CPNE8: variants seen among roughly 807,000 people sequenced by gnomAD.
CPNE8 encodes copine 8.
In CPNE8, 45 loss-of-function variants were observed where a neutral mutation model predicts 81.5. That is an observed-to-expected ratio of 0.55 (90% CI 0.44 to 0.71). The LOEUF (loss-of-function observed/expected upper bound fraction) is 0.71, where lower values mean the gene tolerates loss of function less well. Ranked by LOEUF, CPNE8 falls within the 30% of genes least tolerant of loss-of-function variation. The probability of loss-of-function intolerance (pLI) is 0.00; values close to 1 mark genes in which losing one functional copy is unlikely to be tolerated. For missense variants in CPNE8, 594 were observed against 672.1 expected, an observed-to-expected ratio of 0.88 and a Z score of 1.28; for synonymous variants, 252 against 226.3, an observed-to-expected ratio of 1.11 and a Z score of -1.02.
At chr12:38,694,623 C>T (rs1939753725) in intron 14 of CPNE8, among the ~76,000 whole-genome samples, 1 of 152,178 alleles carries the variant, frequency 6.6e-6, no homozygotes, top group African/African-American at 2.4e-5. Context: ...GGATGTTGCA[C>T]TTGAATAGTG....
intron 6 of CPNE8, among the ~76,000 whole-genome samples, chr12:38,784,734 C>T (rs1480226273): frequency 1.3e-5 from 2 of 151,630 alleles, no homozygotes; most frequent in South Asian, 4.2e-4. Flanking sequence ...ATATAAAATG[C>T]TGAAGGAAAA....
chr12:38,679,709 G>A, intron 16 of CPNE8: 5 of 984,480 alleles, frequency 5.1e-6, no homozygotes, highest in Non-Finnish European at 4.8e-6. Context: ...CACTTTGAAA[G>A]TAAATCTAAA....
chr12:38,754,165 T>C (rs979905120), intron 10 of CPNE8, among the ~76,000 whole-genome samples: 2 of 151,870 alleles, frequency 1.3e-5, no homozygotes, highest in African/African-American at 4.8e-5. Context: ...ACAGGCAAAA[T>C]GAACACAGAA....
intron 11 of CPNE8, among the ~76,000 whole-genome samples, chr12:38,726,133 T>C (rs953444720): frequency 3.3e-5 from 5 of 151,938 alleles, no homozygotes; most frequent in Admixed American, 6.6e-5. Flanking sequence ...GTCCTGAGGG[T>C]TGGGGACCCC....
intron 5 of CPNE8, among the ~76,000 whole-genome samples, chr12:38,835,530 A>T (rs1943365576): frequency 6.6e-6 from 1 of 152,178 alleles, no homozygotes; most frequent in South Asian, 2.1e-4. Flanking sequence ...TGTTTGTCTT[A>T]TTCATTGCTA....
chr12:38,852,951 A>G (rs1943669744), intron 3 of CPNE8, among the ~76,000 whole-genome samples: 1 of 152,138 alleles, frequency 6.6e-6, no homozygotes, highest in African/African-American at 2.4e-5. Flanking sequence ...GGTTTTCCCA[A>G]TTTCTTGCAA....
intron 1 of CPNE8, among the ~76,000 whole-genome samples, chr12:38,894,669 C>G (rs1944362090): frequency 1.8e-4 from 2 of 11,130 alleles, no homozygotes; most frequent in East Asian, 2.7e-3. Context: ...CTCTCTCTCT[C>G]TCTCTCTCTC....
intron 1 of CPNE8, among the ~76,000 whole-genome samples, chr12:38,883,193 A>T (rs1237250399): frequency 6.6e-6 from 1 of 152,238 alleles, no homozygotes; most frequent in Non-Finnish European, 1.5e-5. Context: ...GAGGTTAAAT[A>T]AAGTGGCCAA....
rs909318448 is a variant in CPNE8, at chr12:38,903,304, T to C, written c.98+2133A>G. Among the ~76,000 whole-genome samples, 28 of 152,064 alleles carry C rather than the reference T, an allele frequency of 1.8e-4. 1 individual carries two copies. The highest frequency in any genetic ancestry group is 6.5e-4 in the African/African-American group (27 of 41,322). ...TGCCCCTGGCAGAGATGCTTGACAC[T>C]AAGTATTCAGGTTCTCTTTCAGGAT... On this transcript the variant is annotated intron_variant, in intron 1 of 19. Transcript: ENST00000331366.
chr12:38,709,004 C>T (rs1940181293), intron 13 of CPNE8, among the ~76,000 whole-genome samples: 1 of 152,180 alleles, frequency 6.6e-6, no homozygotes, highest in South Asian at 2.1e-4. Context: ...TTAATCTTGA[C>T]AAACAGATTC....
At chr12:38,805,566 A>T (rs1347822876) in intron 6 of CPNE8, among the ~76,000 whole-genome samples, 3 of 109,882 alleles carry the variant, frequency 2.7e-5, no homozygotes, top group Non-Finnish European at 5.7e-5. Flanking sequence ...ATGCTAGATG[A>T]CACGTTAGTG....
chr12:38,848,539 C>T lies in CPNE8; in HGVS notation c.290+20G>A. 6.4e-7 allele frequency: 1 copy of T among 1,554,144 alleles called. No individual in the cohort carries two copies. The highest frequency in any genetic ancestry group is 1.4e-5 in the African/African-American group (1 of 70,492). ...CTTTAAAATCAAATTTTTCTAAACG[C>T]AAGTTTTAGTAGAACTTACAAGTCA... is the stretch of plus-strand genomic sequence containing the variant. On this transcript the variant is annotated intron_variant, in intron 4 of 19. Coordinates refer to ENST00000331366, the MANE Select transcript of CPNE8 (RefSeq NM_153634.3).
intron 6 of CPNE8, among the ~76,000 whole-genome samples, chr12:38,792,944 A>C (rs1258882394): frequency 6.6e-6 from 1 of 151,970 alleles, no homozygotes; most frequent in Non-Finnish European, 1.5e-5. Flanking sequence ...AAAATCAATC[A>C]ATGTAATACA....
At chr12:38,736,758 G>A (rs1245035476) in intron 10 of CPNE8, among the ~76,000 whole-genome samples, 1 of 151,964 alleles carries the variant, frequency 6.6e-6, no homozygotes, top group Non-Finnish European at 1.5e-5. Flanking sequence ...GAAAGCATAT[G>A]ATAGTTAAGT....
intron 13 of CPNE8, among the ~76,000 whole-genome samples, chr12:38,707,114 G>C (rs1341789573): frequency 6.6e-6 from 1 of 152,106 alleles, no homozygotes; most frequent in Non-Finnish European, 1.5e-5. Flanking sequence ...AGGAGTTCCA[G>C]ACCAGCCTGG....
chr12:38,659,877 G>C (rs1265591087), intron 19 of CPNE8, among the ~76,000 whole-genome samples: 2 of 152,128 alleles, frequency 1.3e-5, no homozygotes, highest in Non-Finnish European at 1.5e-5. Context: ...GCTACAAAGA[G>C]AATAAAATAT....
chr12:38,669,049 CT>C (rs1335096363), intron 19 of CPNE8, among the ~76,000 whole-genome samples: 4 of 56,332 alleles, frequency 7.1e-5, no homozygotes. Flanking sequence ...GAGACTCTGC[CT>C]CAAAAAAAAA....
chr12:38,656,314 CT>C (rs1334984725), intron 19 of CPNE8, among the ~76,000 whole-genome samples: 4 of 118,678 alleles, frequency 3.4e-5, no homozygotes, highest in Admixed American at 3.0e-4. Flanking sequence ...ATGCAGTGGT[CT>C]TTAGACTTTT....
At chr12:38,798,525 G>C (rs1476797027) in intron 6 of CPNE8, among the ~76,000 whole-genome samples, 2 of 152,146 alleles carry the variant, frequency 1.3e-5, no homozygotes, top group African/African-American at 4.8e-5. Context: ...CACCAGGCCT[G>C]CCCTAAAAGA....
Sources: gnomAD v4.1 joint callset for allele counts (sites outside exome capture counted in the v4.1 genomes callset) on GRCh38, gnomAD v4.1.1 for gene constraint, MANE v1.5 for transcripts, NCBI Gene and HGNC (gene_info 2026-07-23, HGNC 2026-07-21) for gene names.